SLIT3: variants seen among roughly 807,000 people sequenced by gnomAD.
SLIT3 encodes slit guidance ligand 3.
In SLIT3, 68 loss-of-function variants were observed where a neutral mutation model predicts 184.0. The observed-to-expected ratio is 0.37, with a 90% confidence interval of 0.30 to 0.45. The LOEUF (loss-of-function observed/expected upper bound fraction) is 0.45, where lower values mean the gene tolerates loss of function less well. Among genes scored for constraint, SLIT3 ranks in the 20% least tolerant of loss-of-function variants. The probability of loss-of-function intolerance (pLI) is 1.00; values close to 1 mark genes in which losing one functional copy is unlikely to be tolerated. For synonymous variants in SLIT3, 831 were observed against 828.6 expected (o/e 1.00, Z -0.05); for missense variants, 1,707 against 2,026.0 (o/e 0.84, Z 3.02).
intron 4 of SLIT3, among the ~76,000 whole-genome samples, chr5:168,884,549 G>GACATATATATATATATATATATATAT (rs1260481453): frequency 2.4e-5 from 1 of 41,138 alleles, no homozygotes; most frequent in African/African-American, 1.1e-4. Flanking sequence ...CCAATTACGA[G>GACATATATATATATATATATATATAT]ATATATATAT....
At chr5:168,871,484 T>A (rs902819376) in intron 5 of SLIT3, among the ~76,000 whole-genome samples, 2 of 151,984 alleles carry the variant, frequency 1.3e-5, no homozygotes, top group African/African-American at 4.8e-5. Context: ...GGCAGGGAAG[T>A]TACACCCTCT....
At chr5:169,068,196 T>C (rs552368966) in intron 4 of SLIT3, among the ~76,000 whole-genome samples, 50 of 152,196 alleles carry the variant, frequency 3.3e-4, no homozygotes, top group African/African-American at 1.1e-3. Context: ...TCTCACTATG[T>C]TTTAAGAAGA....
intron 4 of SLIT3, among the ~76,000 whole-genome samples, chr5:169,008,449 C>T (rs1370136261): frequency 6.6e-6 from 1 of 152,188 alleles, no homozygotes; most frequent in South Asian, 2.1e-4. Context: ...ATAGCTAGAG[C>T]TGGCATCAGG....
chr5:168,692,491 G>C, intron 29 of SLIT3, 116 bp downstream of exon 29: 1 of 660,424 alleles, frequency 1.5e-6, no homozygotes, highest in Admixed American at 2.5e-5. Context: ...GAGATGCAGA[G>C]AAGCACATGA....
rs1376618384 is a variant in SLIT3 at position 168,789,438 on chromosome 5, C to T, written c.1079+122G>A. ...AATATTTGTTTCTTTTACCAGGTTG[C>T]CACAAGTGTGTAAGGGAACATAAAG... On this transcript the variant is annotated intron_variant, in intron 11 of 35. Transcript: ENST00000519560. The T allele has an allele frequency of 6.0e-6, 4 of 672,016 alleles. No homozygotes were observed. In the African/African-American group the frequency reaches 7.3e-5, roughly 12 times the overall value. The allele number at this position is 672,016 out of a possible 1,614,324, so 41.6% of individuals were successfully genotyped here. A position where few individuals can be genotyped will look rare whatever the true frequency, so the allele number is the denominator to read the frequency against.
At chr5:169,072,615 C>G (rs1410926930) in intron 4 of SLIT3, among the ~76,000 whole-genome samples, 1 of 152,204 alleles carries the variant, frequency 6.6e-6, no homozygotes, top group East Asian at 1.9e-4. Flanking sequence ...CACATTTTAT[C>G]ATCATTTTGA....
intron 14 of SLIT3, among the ~76,000 whole-genome samples, chr5:168,766,058 C>G (rs1406213305): frequency 1.3e-5 from 2 of 152,222 alleles, no homozygotes; most frequent in Non-Finnish European, 2.9e-5. Context: ...GGGAGCCAAG[C>G]TCCCATGTTT....
At chr5:169,255,366 C>T (rs1765916986) in intron 1 of SLIT3, among the ~76,000 whole-genome samples, 1 of 152,110 alleles carries the variant, frequency 6.6e-6, no homozygotes, top group Non-Finnish European at 1.5e-5. Flanking sequence ...ACCAGTGGGA[C>T]AAGATGTGGA....
chr5:168,761,705 C>T lies in SLIT3; in HGVS notation c.1611-769G>A, dbSNP rs185474680. On this transcript the variant is annotated intron_variant, in intron 15 of 35. Transcript: ENST00000519560. ...CCACATGCTGTGCCTTTGTCCTCCA[C>T]GAGGCTATAACTTTTCAAAAATTTT... Among the ~76,000 whole-genome samples the T allele has an allele frequency of 1.1e-3, 163 of 152,048 alleles. 1 individual carries two copies. Among genetic ancestry groups the T allele is most frequent in the African/African-American group, 3.7e-3 (153 of 41,498 alleles).
intron 7 of SLIT3, among the ~76,000 whole-genome samples, chr5:168,817,946 C>T (rs1109107): frequency 0.13 from 20,211 of 152,004 alleles, 1,793 homozygotes; most frequent in South Asian, 0.31. Context: ...GTTCTTCGTT[C>T]CCCCGCTAAG....
chr5:169,127,847 C>T (rs187234100), intron 4 of SLIT3, among the ~76,000 whole-genome samples: 1 of 152,104 alleles, frequency 6.6e-6, no homozygotes, highest in African/African-American at 2.4e-5. Flanking sequence ...AGAGCTCTAA[C>T]AAGAAGGGTT....
intron 4 of SLIT3, among the ~76,000 whole-genome samples, chr5:169,150,820 C>T (rs1762088574): frequency 6.6e-6 from 1 of 152,200 alleles, no homozygotes; most frequent in Non-Finnish European, 1.5e-5. Context: ...ATCCAGCCAT[C>T]ACCCTGTAAA....
intron 4 of SLIT3, among the ~76,000 whole-genome samples, chr5:169,169,158 T>C (rs182606480): frequency 1.2e-3 from 188 of 152,332 alleles, no homozygotes; most frequent in South Asian, 2.5e-3. Flanking sequence ...ATGAGTTCCA[T>C]GGGAGTGACA....
At chr5:169,190,468 T>TAGCCACTAAACTAACTTC (rs1327057754) in intron 4 of SLIT3, among the ~76,000 whole-genome samples, 1 of 152,230 alleles carries the variant, frequency 6.6e-6, no homozygotes, top group Non-Finnish European at 1.5e-5. Context: ...AAACTAACTT[T>TAGCCACTAAACTAACTTC]AGTCACTAAA....
intron 4 of SLIT3, among the ~76,000 whole-genome samples, chr5:168,969,278 C>T (rs1754467340): frequency 6.6e-6 from 1 of 152,150 alleles, no homozygotes; most frequent in Non-Finnish European, 1.5e-5. Flanking sequence ...AACCTGAATG[C>T]AGACAAGCAG....
At chr5:168,840,949 T>C (rs73310226) in intron 6 of SLIT3, among the ~76,000 whole-genome samples, 7 of 152,304 alleles carry the variant, frequency 4.6e-5, no homozygotes, top group African/African-American at 1.7e-4. Flanking sequence ...GCAAGTTTGA[T>C]TTACCTTCAA....
chr5:168,697,281 G>A (rs1762091121), intron 27 of SLIT3, among the ~76,000 whole-genome samples: 1 of 152,210 alleles, frequency 6.6e-6, no homozygotes, highest in Non-Finnish European at 1.5e-5. Context: ...GGGGCGGCAA[G>A]ATGCATTTCC....
chr5:169,004,763 A>C (rs905763677), intron 4 of SLIT3, among the ~76,000 whole-genome samples: 9 of 152,098 alleles, frequency 5.9e-5, no homozygotes, highest in African/African-American at 1.9e-4. Flanking sequence ...TTCATGATGG[A>C]TGAATTCCCT....
At chr5:169,260,295 T>C (rs965009876) in intron 1 of SLIT3, among the ~76,000 whole-genome samples, 1 of 152,114 alleles carries the variant, frequency 6.6e-6, no homozygotes, top group Non-Finnish European at 1.5e-5. Flanking sequence ...TCAGAACAAG[T>C]TGGCAAGGAA....
Sources: allele counts gnomAD v4.1 joint callset (sites outside exome capture counted in the v4.1 genomes callset), GRCh38; gene constraint gnomAD v4.1.1; transcripts MANE v1.5; gene names NCBI Gene and HGNC (gene_info 2026-07-23, HGNC 2026-07-21).